The following DCC variants were observed in gnomAD, a reference collection of about 807,000 sequenced individuals.
DCC encodes the protein netrin receptor DCC.
In DCC, 58 loss-of-function variants were observed where a neutral mutation model predicts 172.5. The observed-to-expected ratio is 0.34, with a 90% CI of 0.27 to 0.42. DCC has a LOEUF of 0.42. Among genes scored for constraint, DCC ranks in the 10% least tolerant of loss-of-function variants. The pLI, the probability that DCC is intolerant of heterozygous loss-of-function variation, is 1.00. For missense variants in DCC, 1,740 were observed against 1,791.0 expected (o/e 0.97, Z 0.51); for synonymous variants, 709 against 644.5 (o/e 1.10, Z -1.52).
chr18:52,528,929 A>G (rs2032063089), intron 1 of DCC, among the ~76,000 whole-genome samples: 2 of 152,140 alleles, frequency 1.3e-5, no homozygotes, highest in African/African-American at 2.4e-5. Flanking sequence ...TTACATGCCC[A>G]ATACTTATCA....
intron 5 of DCC, among the ~76,000 whole-genome samples, chr18:53,054,033 C>A (rs1568273305): frequency 6.6e-6 from 1 of 152,016 alleles, no homozygotes; most frequent in Non-Finnish European, 1.5e-5. Context: ...GGATCTCCTG[C>A]AGATACCATA....
intron 5 of DCC, among the ~76,000 whole-genome samples, chr18:52,945,290 A>G (rs2145534046): frequency 6.6e-6 from 1 of 152,346 alleles, no homozygotes; most frequent in South Asian, 2.1e-4. Flanking sequence ...CTTTATAGAA[A>G]GGTAAATGTG....
intron 2 of DCC, among the ~76,000 whole-genome samples, chr18:52,799,418 C>T (rs2037939901): frequency 6.6e-6 from 1 of 151,970 alleles, no homozygotes; most frequent in South Asian, 2.1e-4. Context: ...ATACATGTAA[C>T]AAGGAAGCAT....
chr18:52,818,467 A>T (rs2038344924), intron 2 of DCC, among the ~76,000 whole-genome samples: 1 of 151,904 alleles, frequency 6.6e-6, no homozygotes, highest in Non-Finnish European at 1.5e-5. Flanking sequence ...AAGCATATAT[A>T]TCAAATAGGC....
chr18:52,798,904 C>T (rs767220404), intron 2 of DCC, among the ~76,000 whole-genome samples: 14 of 152,026 alleles, frequency 9.2e-5, no homozygotes, highest in East Asian at 1.9e-4. Flanking sequence ...CCTGCCACCA[C>T]GCCCAGCTAA....
At chr18:52,823,334 G>A (rs2038444455) in intron 2 of DCC, among the ~76,000 whole-genome samples, 1 of 152,166 alleles carries the variant, frequency 6.6e-6, no homozygotes, top group Admixed American at 6.5e-5. Flanking sequence ...TGAATTCTGG[G>A]TGGATCGACA....
chr18:52,930,972 T>G (rs2040298508), intron 5 of DCC, among the ~76,000 whole-genome samples: 2 of 152,000 alleles, frequency 1.3e-5, no homozygotes, highest in Admixed American at 6.6e-5. Flanking sequence ...TAAAAAATAG[T>G]GATATGTTTA....
chr18:52,501,029 G>A (rs2144626635), intron 1 of DCC, among the ~76,000 whole-genome samples: 1 of 152,246 alleles, frequency 6.6e-6, no homozygotes, highest in East Asian at 1.9e-4. Flanking sequence ...GTATCCACTG[G>A]TTATAAAATG....
At chr18:52,702,645 G>A (rs1009491421) in intron 1 of DCC, among the ~76,000 whole-genome samples, 1 of 151,964 alleles carries the variant, frequency 6.6e-6, no homozygotes, top group South Asian at 2.1e-4. Context: ...TTTCCATCTA[G>A]TACAGAACTG....
chr18:52,539,348 C>G (rs74803339), intron 1 of DCC, among the ~76,000 whole-genome samples: 224 of 152,202 alleles, frequency 1.5e-3, no homozygotes, highest in African/African-American at 5.1e-3. Flanking sequence ...TACAGGAGAT[C>G]TATTGTTCCA....
At chr18:53,017,102 G>A (rs1316570188) in intron 5 of DCC, among the ~76,000 whole-genome samples, 25 of 147,402 alleles carry the variant, frequency 1.7e-4, no homozygotes, top group Admixed American at 2.7e-4. Flanking sequence ...TTTTGAGACG[G>A]AGTCTCACTG....
chr18:52,566,709 C>T (rs556383247), intron 1 of DCC, among the ~76,000 whole-genome samples: 5 of 152,152 alleles, frequency 3.3e-5, no homozygotes, highest in African/African-American at 7.2e-5. Flanking sequence ...ACAAGATTCA[C>T]GAGACTGAAG....
intron 1 of DCC, among the ~76,000 whole-genome samples, chr18:52,654,452 A>G (rs2144931427): frequency 6.6e-6 from 1 of 152,192 alleles, no homozygotes; most frequent in African/African-American, 2.4e-5. Context: ...ACAGACATTT[A>G]TTGTCTTACA....
chr18:53,509,052 A>G (rs1449089010), intron 27 of DCC, among the ~76,000 whole-genome samples: 2 of 152,134 alleles, frequency 1.3e-5, no homozygotes. Flanking sequence ...CTTGCTCCTC[A>G]CAATGGACCA....
chr18:53,182,015 T>C (rs1433745466), intron 9 of DCC, among the ~76,000 whole-genome samples: 1 of 152,230 alleles, frequency 6.6e-6, no homozygotes, highest in Non-Finnish European at 1.5e-5. Flanking sequence ...CACACATTCC[T>C]TCCCATTCAG....
chr18:52,343,882 G>A (rs1169786388), intron 1 of DCC, among the ~76,000 whole-genome samples: 2 of 152,214 alleles, frequency 1.3e-5, no homozygotes, highest in African/African-American at 4.8e-5. Flanking sequence ...GAGTATGGCA[G>A]AGCCTGAGGG....
At chr18:52,490,652 A>G (rs1409764130) in intron 1 of DCC, among the ~76,000 whole-genome samples, 1 of 151,958 alleles carries the variant, frequency 6.6e-6, no homozygotes, top group Non-Finnish European at 1.5e-5. Flanking sequence ...TCTTTTTCCT[A>G]TTTTGTAGTC....
intron 5 of DCC, among the ~76,000 whole-genome samples, chr18:53,017,298 T>C (rs1228684183): frequency 6.6e-6 from 1 of 152,158 alleles, no homozygotes; most frequent in Non-Finnish European, 1.5e-5. Flanking sequence ...ATTTTACTTA[T>C]ATGTGATATT....
At chr18:53,326,045 C>A (rs1015841928) in intron 14 of DCC, among the ~76,000 whole-genome samples, 7 of 152,186 alleles carry the variant, frequency 4.6e-5, no homozygotes, top group African/African-American at 1.7e-4. Flanking sequence ...TGCATCCTCA[C>A]TCATCCAACT....
Sources: allele counts gnomAD v4.1 joint callset (sites outside exome capture counted in the v4.1 genomes callset), GRCh38; gene constraint gnomAD v4.1.1; transcripts MANE v1.5; gene names NCBI Gene and HGNC (gene_info 2026-07-23, HGNC 2026-07-21).